CDH18: variants seen among roughly 807,000 people sequenced by gnomAD.
CDH18 encodes cadherin 18, also known as cadherin-18.
A neutral mutation model predicts 67.9 loss-of-function variants in CDH18; 31 were observed. That is an observed-to-expected ratio of 0.46 (90% CI 0.34 to 0.62). CDH18 has a LOEUF of 0.62. CDH18 is among the 20% of genes least tolerant of loss of function. CDH18 has a pLI of 0.01. For missense variants in CDH18, 890 were observed against 975.5 expected (o/e 0.91, Z 1.17); for synonymous variants, 362 against 347.2 (o/e 1.04, Z -0.48).
intron 2 of CDH18, among the ~76,000 whole-genome samples, chr5:20,234,262 T>G (rs1742308281): frequency 6.6e-6 from 1 of 152,160 alleles, no homozygotes; most frequent in African/African-American, 2.4e-5. Context: ...CATTTTCTCT[T>G]GAATATTTCT....
In CDH18 at chr5:20,431,504, A is replaced by AAAAAAGAAG. The variant is rs536468948; in HGVS notation, c.-580+143957_-580+143958insCTTCTTTTT. Among the ~76,000 whole-genome samples the AAAAAAGAAG allele has an allele frequency of 7.9e-3, 1,088 of 138,480 alleles. 21 individuals carry two copies. The highest frequency in any genetic ancestry group is 0.021 in the African/African-American group (796 of 37,258). 90.8% of individuals were successfully genotyped at this position (138,480 alleles called of 152,430 possible). On this transcript the variant is annotated intron_variant, in intron 1 of 14. Coordinates refer to the CDH18 transcript ENST00000507958. ...GTGAAACTCAAAAAAAAAAAAAAAA[A>AAAAAAGAAG]AAGAAGAAGAAAAGAAGAATAGAAA...
intron 2 of CDH18, among the ~76,000 whole-genome samples, chr5:20,191,756 C>A (rs774467787): frequency 2.4e-4 from 36 of 152,212 alleles, no homozygotes; most frequent in Admixed American, 7.9e-4. Flanking sequence ...TCCAGTCTAT[C>A]ATTGATGGAC....
chr5:19,572,505 G>A (rs146933037), intron 7 of CDH18, among the ~76,000 whole-genome samples: 1 of 152,302 alleles, frequency 6.6e-6, no homozygotes, highest in Non-Finnish European at 1.5e-5. Flanking sequence ...CAATATCATA[G>A]TCAATTCAGG....
chr5:19,967,671 A>G (rs1209344802), intron 2 of CDH18, among the ~76,000 whole-genome samples: 1 of 152,120 alleles, frequency 6.6e-6, no homozygotes, highest in African/African-American at 2.4e-5. Flanking sequence ...TGATCACAAA[A>G]GAAGGTATCC....
At chr5:20,351,160 TTGTGTGTG>T (rs375375615) in intron 1 of CDH18, among the ~76,000 whole-genome samples, 14 of 132,152 alleles carry the variant, frequency 1.1e-4, no homozygotes, top group South Asian at 2.9e-4. Context: ...GTAAATGTAT[TTGTGTGTG>T]TGTGTGTGTG....
At chr5:20,411,846 A>G (rs558311008) in intron 1 of CDH18, among the ~76,000 whole-genome samples, 72 of 152,272 alleles carry the variant, frequency 4.7e-4, no homozygotes, top group African/African-American at 1.7e-3. Context: ...AAATTGCTAC[A>G]AGGAGAACTA....
At chr5:19,492,007 C>T (rs1741552466) in intron 11 of CDH18, among the ~76,000 whole-genome samples, 1 of 151,028 alleles carries the variant, frequency 6.6e-6, no homozygotes, top group African/African-American at 2.4e-5. Context: ...AAAACACATA[C>T]AAAAAAAGAG....
At chr5:20,250,369 G>T (rs934347130) in intron 2 of CDH18, among the ~76,000 whole-genome samples, 17 of 150,150 alleles carry the variant, frequency 1.1e-4, no homozygotes, top group Non-Finnish European at 2.4e-4. Context: ...CAAGGCTCAC[G>T]GCAACCTCCG....
intron 2 of CDH18, among the ~76,000 whole-genome samples, chr5:20,191,988 G>A (rs1384206551): frequency 2.0e-5 from 3 of 151,984 alleles, no homozygotes; most frequent in African/African-American, 7.2e-5. Flanking sequence ...GTGTAAAAAC[G>A]TTCCTATTTC....
chr5:19,568,739 C>T (rs748335622), intron 8 of CDH18, among the ~76,000 whole-genome samples: 9 of 152,154 alleles, frequency 5.9e-5, no homozygotes, highest in Non-Finnish European at 1.3e-4. Context: ...GATAGGCTGG[C>T]CCTTTGATCT....
intron 5 of CDH18, among the ~76,000 whole-genome samples, chr5:19,652,523 T>G (rs183946306): frequency 2.0e-5 from 3 of 152,176 alleles, no homozygotes; most frequent in Admixed American, 2.0e-4. Flanking sequence ...CAAAAAGAGT[T>G]TTTTTTAAAA....
intron 2 of CDH18, among the ~76,000 whole-genome samples, chr5:19,963,133 G>A (rs1230430301): frequency 1.3e-5 from 2 of 152,096 alleles, no homozygotes; most frequent in Admixed American, 6.6e-5. Flanking sequence ...ACAAGCTAAT[G>A]TCTATGTACC....
intron 2 of CDH18, among the ~76,000 whole-genome samples, chr5:20,107,102 A>G (rs1747012251): frequency 1.4e-5 from 2 of 140,174 alleles, no homozygotes; most frequent in African/African-American, 5.3e-5. Flanking sequence ...TTTTTTTGAG[A>G]CGGAGTCTCG....
intron 6 of CDH18, among the ~76,000 whole-genome samples, chr5:19,606,538 A>G (rs1339418379): frequency 6.6e-6 from 1 of 152,052 alleles, no homozygotes; most frequent in Non-Finnish European, 1.5e-5. Context: ...TGTACTTAAT[A>G]TATTTAATAG....
intron 5 of CDH18, among the ~76,000 whole-genome samples, chr5:19,619,969 T>TA (rs1294811556): frequency 6.6e-6 from 1 of 152,158 alleles, no homozygotes; most frequent in African/African-American, 2.4e-5. Flanking sequence ...CTTGATGGAT[T>TA]AAAACCTCAG....
At chr5:20,350,268 C>A (rs1741058292) in intron 1 of CDH18, among the ~76,000 whole-genome samples, 1 of 151,850 alleles carries the variant, frequency 6.6e-6, no homozygotes, top group South Asian at 2.1e-4. Context: ...CAATGGAAAA[C>A]AATAAAAACA....
At chr5:19,885,017 A>C (rs1788052143) in intron 2 of CDH18, among the ~76,000 whole-genome samples, 1 of 152,154 alleles carries the variant, frequency 6.6e-6, no homozygotes, top group Non-Finnish European at 1.5e-5. Context: ...ACGGCAGTTC[A>C]AAAAAATAAT....
chr5:19,964,256 G>A (rs957557416), intron 2 of CDH18, among the ~76,000 whole-genome samples: 3 of 151,906 alleles, frequency 2.0e-5, no homozygotes, highest in East Asian at 1.9e-4. Flanking sequence ...TAATGACTGC[G>A]CAAATTTGGT....
At chr5:19,887,577 T>G (rs1008454493) in intron 2 of CDH18, among the ~76,000 whole-genome samples, 3 of 152,018 alleles carry the variant, frequency 2.0e-5, no homozygotes, top group Non-Finnish European at 2.9e-5. Context: ...ACTTGCTTTT[T>G]TTTTCCTCTA....
Sources: gnomAD v4.1 joint callset for allele counts (sites outside exome capture counted in the v4.1 genomes callset) on GRCh38, gnomAD v4.1.1 for gene constraint, MANE v1.5 for transcripts, NCBI Gene and HGNC (gene_info 2026-07-23, HGNC 2026-07-21) for gene names.